The following CCSER1 variants were observed in gnomAD, a reference collection of about 807,000 sequenced individuals.
CCSER1 encodes the protein serine-rich coiled-coil domain-containing protein 1.
In CCSER1, 41 loss-of-function variants were observed where a neutral mutation model predicts 82.0. That is an observed-to-expected ratio of 0.50 (90% CI 0.39 to 0.65). The LOEUF is 0.65. Among genes scored for constraint, CCSER1 ranks in the 30% least tolerant of loss-of-function variants. The pLI is 0.00. For missense variants in CCSER1, 1,119 were observed against 1,064.2 expected (o/e 1.05, Z -0.72); for synonymous variants, 414 against 383.9 (o/e 1.08, Z -0.92).
chr4:90,248,264 T>C (rs1371272243), intron 1 of CCSER1, among the ~76,000 whole-genome samples: 4 of 152,192 alleles, frequency 2.6e-5, no homozygotes, highest in Admixed American at 2.6e-4. Context: ...ACACAACAGG[T>C]CCTTAATAAA....
At chr4:90,796,357 AT>A (rs1469155164) in intron 7 of CCSER1, among the ~76,000 whole-genome samples, 1 of 126,370 alleles carries the variant, frequency 7.9e-6, no homozygotes, top group Non-Finnish European at 1.7e-5. Flanking sequence ...GTTTCTGTTT[AT>A]TTGGATATTA....
At chr4:91,092,488 C>G (rs62312177) in intron 10 of CCSER1, among the ~76,000 whole-genome samples, 30,864 of 152,156 alleles carry the variant, frequency 0.2, 3,542 homozygotes, top group African/African-American at 0.29. Flanking sequence ...GCTTGTATGC[C>G]AGGAGGAACA....
At chr4:90,401,577 A>C (rs1752882483) in intron 4 of CCSER1, among the ~76,000 whole-genome samples, 1 of 152,218 alleles carries the variant, frequency 6.6e-6, no homozygotes, top group South Asian at 2.1e-4. Flanking sequence ...TCTGTTGCCC[A>C]GGCTGGAGTC....
intron 10 of CCSER1, among the ~76,000 whole-genome samples, chr4:91,344,687 T>C (rs1192737811): frequency 6.6e-6 from 1 of 150,932 alleles, no homozygotes; most frequent in Non-Finnish European, 1.5e-5. Flanking sequence ...TTTGAAGAAA[T>C]AGTGAATGGC....
chr4:91,303,536 A>C (rs189644777), intron 10 of CCSER1, among the ~76,000 whole-genome samples: 1 of 152,174 alleles, frequency 6.6e-6, no homozygotes, highest in Non-Finnish European at 1.5e-5. Context: ...TTGTAATCCC[A>C]GCACTTTGGG....
intron 7 of CCSER1, among the ~76,000 whole-genome samples, chr4:90,743,340 T>A (rs530491561): frequency 6.6e-6 from 1 of 152,310 alleles, no homozygotes; most frequent in East Asian, 1.9e-4. Context: ...AGATATAATT[T>A]GAATATTCTG....
intron 10 of CCSER1, among the ~76,000 whole-genome samples, chr4:91,245,359 C>T (rs894043717): frequency 1.3e-5 from 2 of 151,920 alleles, no homozygotes; most frequent in Non-Finnish European, 2.9e-5. Flanking sequence ...AATCAAACTC[C>T]CAAAGGTCAA....
At chr4:90,884,374 A>G (rs745442578) in intron 8 of CCSER1, among the ~76,000 whole-genome samples, 6 of 152,216 alleles carry the variant, frequency 3.9e-5, no homozygotes, top group Non-Finnish European at 7.3e-5. Context: ...GAAGGGATAC[A>G]TGTATATACA....
At chr4:91,031,465 A>G (rs1249296181) in intron 9 of CCSER1, among the ~76,000 whole-genome samples, 1 of 152,146 alleles carries the variant, frequency 6.6e-6, no homozygotes, top group African/African-American at 2.4e-5. Context: ...GGTGACTGAT[A>G]TATAACAAGG....
intron 3 of CCSER1, among the ~76,000 whole-genome samples, chr4:90,328,204 T>C (rs755418514): frequency 2.0e-5 from 3 of 152,194 alleles, no homozygotes; most frequent in Non-Finnish European, 2.9e-5. Flanking sequence ...ATATTAGATT[T>C]ATAGAAATAT....
chr4:91,187,540 A>ATT (rs199992295), intron 10 of CCSER1, among the ~76,000 whole-genome samples: 7 of 81,608 alleles, frequency 8.6e-5, no homozygotes, highest in Admixed American at 1.2e-4. Context: ...AAATCAATAA[A>ATT]TTTGTTTTTT....
chr4:91,356,655 C>CA (rs1208952930), intron 10 of CCSER1, among the ~76,000 whole-genome samples: 2 of 152,280 alleles, frequency 1.3e-5, no homozygotes, highest in East Asian at 3.9e-4. Flanking sequence ...ACAATACCAC[C>CA]ACAAATCCAC....
chr4:90,954,129 G>A (rs1020709862), intron 9 of CCSER1, among the ~76,000 whole-genome samples: 1 of 151,848 alleles, frequency 6.6e-6, no homozygotes, highest in African/African-American at 2.4e-5. Context: ...ATAATTTATA[G>A]GCTGCATTGG....
At chr4:91,083,111 C>G (rs1437838263) in intron 9 of CCSER1, among the ~76,000 whole-genome samples, 1 of 152,134 alleles carries the variant, frequency 6.6e-6, no homozygotes. Flanking sequence ...CACATGAACA[C>G]GTATGTTTAT....
intron 6 of CCSER1, among the ~76,000 whole-genome samples, chr4:90,639,574 G>GT (rs1237535901): frequency 8.6e-5 from 13 of 151,982 alleles, no homozygotes; most frequent in Non-Finnish European, 1.3e-4. Flanking sequence ...GATGTGTAGT[G>GT]TTTTTTTGAA....
chr4:90,868,510 T>G (rs1156259220), intron 8 of CCSER1, among the ~76,000 whole-genome samples: 1 of 152,040 alleles, frequency 6.6e-6, no homozygotes, highest in Non-Finnish European at 1.5e-5. Context: ...GTTCCATCCA[T>G]GTTGTTGCAC....
chr4:91,104,062 G>C (rs1725356238), intron 10 of CCSER1, among the ~76,000 whole-genome samples: 1 of 152,016 alleles, frequency 6.6e-6, no homozygotes, highest in South Asian at 2.1e-4. Flanking sequence ...GATAAGCCCT[G>C]GTCTCCTGCA....
At chr4:91,457,129 G>T (rs1040367689) in intron 10 of CCSER1, among the ~76,000 whole-genome samples, 2 of 151,928 alleles carry the variant, frequency 1.3e-5, no homozygotes, top group African/African-American at 4.8e-5. Flanking sequence ...CTAAAGAATG[G>T]CTACACGTCT....
At chr4:91,122,553 C>T (rs1432466259) in intron 10 of CCSER1, among the ~76,000 whole-genome samples, 1 of 151,560 alleles carries the variant, frequency 6.6e-6, no homozygotes, top group African/African-American at 2.4e-5. Context: ...ATGCAAACAA[C>T]CAAAACTAGA....
Sources: allele counts gnomAD v4.1 joint callset (sites outside exome capture counted in the v4.1 genomes callset), GRCh38; gene constraint gnomAD v4.1.1; transcripts MANE v1.5; gene names NCBI Gene and HGNC (gene_info 2026-07-23, HGNC 2026-07-21).